STYXL1: variants seen among roughly 807,000 people sequenced by gnomAD.
STYXL1 encodes serine/threonine/tyrosine interacting like 1.
In STYXL1, 32 loss-of-function variants were observed where a neutral mutation model predicts 36.4. That is an observed-to-expected ratio of 0.88 (90% CI 0.66 to 1.18). The LOEUF (loss-of-function observed/expected upper bound fraction) is 1.18. Among genes scored for constraint, STYXL1 ranks in the 50% most tolerant of loss-of-function variants. STYXL1 has a pLI of 0.00. For missense variants in STYXL1, 354 were observed against 394.1 expected, an observed-to-expected ratio of 0.90 and a Z score of 0.86; for synonymous variants, 133 against 144.1, an observed-to-expected ratio of 0.92 and a Z score of 0.55.
chr7:76,003,379 C>T lies in STYXL1; in HGVS notation c.697+379G>A, dbSNP rs561000123. Among the ~76,000 whole-genome samples, 237 of 152,298 alleles carry T rather than the reference C, an allele frequency of 1.6e-3. 1 individual carries two copies. Among genetic ancestry groups the T allele is most frequent in the South Asian group, 0.013 (65 of 4,828 alleles). ...ACATCCCACAGACCAAGGATGAAGG[C>T]GGGGATGGAGAGAGATAGATTTACT... On this transcript the variant is annotated intron_variant, in intron 7 of 8. Coordinates refer to ENST00000359697, the MANE Select transcript of STYXL1 (RefSeq NM_001317785.2).
chr7:76,013,488 G>A (rs1792861676), intron 5 of STYXL1, among the ~76,000 whole-genome samples: 1 of 151,708 alleles, frequency 6.6e-6, no homozygotes. Context: ...ACAGTGGCAT[G>A]ATCTTGGCTC....
chr7:75,996,432 G>A lies in STYXL1; in HGVS notation c.*36C>T, dbSNP rs530910709. The A allele has an allele frequency of 6.2e-7, 1 of 1,614,086 alleles. No individual in the cohort carries two copies. Among genetic ancestry groups the A allele is most frequent in the Non-Finnish European group, 8.5e-7 (1 of 1,179,962 alleles). ...CCACCCACAAAATGCCCCCAGGTGAGGCTCTTCAGTACCCTTCGGTGGGCC... is the reference window on the plus strand; with the variant it reads ...CCACCCACAAAATGCCCCCAGGTGAAGCTCTTCAGTACCCTTCGGTGGGCC... On this transcript the variant is annotated 3_prime_UTR_variant, in exon 9 of 9. Coordinates refer to ENST00000359697, the MANE Select transcript of STYXL1 (RefSeq NM_001317785.2).
At chr7:76,016,238 G>A (rs1793303617) in intron 4 of STYXL1, among the ~76,000 whole-genome samples, 4 of 151,064 alleles carry the variant, frequency 2.6e-5, no homozygotes, top group Admixed American at 6.6e-5. Context: ...ATATAATTAT[G>A]TGTGTATAGA....
Position 76,021,917 on chromosome 7 carries a change from T to C in STYXL1, c.241A>G (p.Ser81Gly). The C allele has an allele frequency of 1.2e-6, 2 of 1,613,722 alleles. No homozygotes were observed. The highest frequency in any genetic ancestry group is 1.7e-6 in the Non-Finnish European group (2 of 1,179,998). Residue 81 changes from serine to glycine, a missense_variant, in exon 4 of 9, where the codon AGC becomes GGC. Physicochemically the swap from Ser to Gly is moderately conservative, Grantham distance 56. Coordinates refer to ENST00000359697, the MANE Select transcript of STYXL1 (RefSeq NM_001317785.2). ...TTTAAGAGTATCTCCAGGGTGCTGC[T>C]GTTGTTATCATACACCACGCAGTAC... is the stretch of plus-strand genomic sequence containing the variant. ...VKYCVVYDNNSSTLEILLKDD... is the reference protein window; with the variant it reads ...VKYCVVYDNNGSTLEILLKDD...
intron 1 of STYXL1, among the ~76,000 whole-genome samples, chr7:76,036,644 T>C (rs1554580746): frequency 8.2e-6 from 1 of 122,434 alleles, no homozygotes; most frequent in East Asian, 2.1e-4. Context: ...GTCTTTTCCA[T>C]GTGAATTTTT....
intron 5 of STYXL1, among the ~76,000 whole-genome samples, chr7:76,010,893 T>C (rs770565103): frequency 5.9e-5 from 9 of 152,152 alleles, no homozygotes; most frequent in Non-Finnish European, 1.3e-4. Flanking sequence ...AGACTGTCTT[T>C]TTACTTCCTT....
chr7:75,999,175 GAATC>G (rs1339984551), intron 8 of STYXL1: 2 of 154,110 alleles, frequency 1.3e-5, no homozygotes, highest in Non-Finnish European at 2.9e-5. Flanking sequence ...ATAATAAATT[GAATC>G]AATAATTAGT....
At position 76,013,828 on chromosome 7, in the gene STYXL1, G is replaced by C. The variant is rs782024429; in HGVS notation, c.367C>G (p.Pro123Ala). Residue 123 changes from proline (P) to alanine (A), a missense_variant, in exon 5 of 9, where the codon CCC becomes GCC. Pro to Ala is a conservative substitution (Grantham distance 27). Transcript: ENST00000359697. ...TAGCCCCCTTTCAGGATGTAGACGG[G>C]GTGGTGGGTGAGGCGGGTCAGGATC... is the stretch of plus-strand genomic sequence containing the variant. ...GRILTRLTHH[P>A]VYILKGGYER... The C allele has an allele frequency of 9.3e-6, 15 of 1,613,918 alleles. No homozygotes were observed. The highest frequency in any genetic ancestry group is 1.2e-5 in the Non-Finnish European group (14 of 1,180,014).
At chr7:76,016,423 A>G (rs373733564) in intron 4 of STYXL1, among the ~76,000 whole-genome samples, 1 of 150,676 alleles carries the variant, frequency 6.6e-6, no homozygotes, top group Non-Finnish European at 1.5e-5. Context: ...ATACGTATAC[A>G]CATATATACA....
intron 6 of STYXL1, among the ~76,000 whole-genome samples, chr7:76,004,679 G>A (rs1554569502): frequency 1.3e-5 from 2 of 151,204 alleles, no homozygotes; most frequent in Admixed American, 6.6e-5. Context: ...ACTCCAGCCT[G>A]GGTGACAGAG....
chr7:76,016,314 G>A (rs374633985), intron 4 of STYXL1, among the ~76,000 whole-genome samples: 6 of 150,434 alleles, frequency 4.0e-5, no homozygotes, highest in Admixed American at 6.6e-5. Flanking sequence ...ATATATACAC[G>A]TATATCTATA....
chr7:76,046,358 G>A (rs1316529113), intron 1 of STYXL1, among the ~76,000 whole-genome samples: 4 of 133,836 alleles, frequency 3.0e-5, no homozygotes, highest in Non-Finnish European at 6.3e-5. Context: ...GCGCGCGCGC[G>A]CTTTTGAGCC....
chr7:76,019,857 G>A (rs1435380413), intron 4 of STYXL1, among the ~76,000 whole-genome samples: 2 of 150,292 alleles, frequency 1.3e-5, no homozygotes, highest in East Asian at 4.0e-4. Context: ...ACTTTGAGAG[G>A]CCAATGCAAG....
At chr7:76,022,574 C>T (rs10954739) in intron 3 of STYXL1, among the ~76,000 whole-genome samples, 9 of 151,718 alleles carry the variant, frequency 5.9e-5, no homozygotes, top group African/African-American at 1.9e-4. Context: ...CTGAAGTGGA[C>T]GGATCACTTG....
At chr7:76,005,172 A>T in intron 6 of STYXL1, 87 bp downstream of exon 6, 1 of 873,622 alleles carries the variant, frequency 1.1e-6, no homozygotes, top group Non-Finnish European at 1.5e-6. Flanking sequence ...TGTAATAATA[A>T]TAAAATTAAA....
At chr7:76,041,259 G>GTATA (rs1796452786) in intron 1 of STYXL1, among the ~76,000 whole-genome samples, 1 of 152,058 alleles carries the variant, frequency 6.6e-6, no homozygotes, top group Admixed American at 6.6e-5. Context: ...AGGTAGGTTA[G>GTATA]TATATAATGT....
chr7:76,034,730 G>A (rs577331269), intron 1 of STYXL1, among the ~76,000 whole-genome samples: 1 of 152,274 alleles, frequency 6.6e-6, no homozygotes, highest in South Asian at 2.1e-4. Flanking sequence ...AGTGGATGCC[G>A]GAAGCAAACT....
chr7:76,028,127 C>T (rs1794926063), intron 3 of STYXL1, among the ~76,000 whole-genome samples: 1 of 152,170 alleles, frequency 6.6e-6, no homozygotes, highest in Admixed American at 6.6e-5. Flanking sequence ...CTCCGCCTCC[C>T]AGGTCCAAGC....
chr7:76,046,900 C>G (rs1797181725), intron 1 of STYXL1, among the ~76,000 whole-genome samples: 1 of 151,650 alleles, frequency 6.6e-6, no homozygotes, highest in African/African-American at 2.4e-5. Context: ...ATCGGCCCGC[C>G]TCAGCCTCCC....
Sources: gnomAD v4.1 joint callset for allele counts (sites outside exome capture counted in the v4.1 genomes callset) on GRCh38, gnomAD v4.1.1 for gene constraint, MANE v1.5 for transcripts, NCBI Gene and HGNC (gene_info 2026-07-23, HGNC 2026-07-21) for gene names.